The following ELN variants were observed in gnomAD, a reference collection of about 807,000 sequenced individuals.
ELN encodes the protein tropoelastin.
In ELN, 65 loss-of-function variants were observed where a neutral mutation model predicts 105.8. The observed-to-expected ratio is 0.61, with a 90% CI of 0.50 to 0.75. The LOEUF is 0.75. ELN is among the 30% of genes least tolerant of loss of function. The pLI is 0.00. For synonymous variants in ELN, 368 were observed against 389.2 expected (o/e 0.95, Z 0.64); for missense variants, 882 against 969.4 (o/e 0.91, Z 1.20).
chr7:74,065,517 G>A (rs1797742843), intron 29 of ELN, among the ~76,000 whole-genome samples, 177 bp from the exon 30 acceptor site: 1 of 151,984 alleles, frequency 6.6e-6, no homozygotes, highest in South Asian at 2.1e-4. Flanking sequence ...AGGAGGCTGA[G>A]GCAGGAGAAC....
At chr7:74,055,778 G>C (rs1795094288) in intron 19 of ELN, among the ~76,000 whole-genome samples, 2 of 147,588 alleles carry the variant, frequency 1.4e-5, no homozygotes, top group South Asian at 2.1e-4. Flanking sequence ...ACTGCACCCG[G>C]CCAAAAAAAA....
chr7:74,050,595 A>T (rs528815499), intron 15 of ELN, among the ~76,000 whole-genome samples: 1 of 151,298 alleles, frequency 6.6e-6, no homozygotes, highest in Non-Finnish European at 1.5e-5. Context: ...CCATCCATCC[A>T]TTCACCCATG....
chr7:74,028,272 A>T lies in ELN; in HGVS notation c.82+3A>T, dbSNP rs782252362. On this transcript the variant is annotated splice_donor_region_variant and intron_variant, in intron 1 of 32. Transcript: ENST00000252034. ...CCTCCACCCCTCTCGGCCTGGAGGT[A>T]AGGACCCCTCGCCCCTGTCCCCAGC... 6.8e-6 allele frequency: 11 copies of T among 1,605,990 alleles called. No homozygotes were observed. The highest frequency in any genetic ancestry group is 9.3e-6 in the Non-Finnish European group (11 of 1,178,804).
intron 21 of ELN, chr7:74,057,381 G>A (rs1554680818): frequency 1.3e-6 from 2 of 1,498,664 alleles, no homozygotes; most frequent in East Asian, 2.3e-5. Context: ...CACTCCCCGA[G>A]GTGCTGCAGG....
chr7:74,041,224 G>C lies in ELN; in HGVS notation c.205G>C (p.Gly69Arg). The change falls in exon 5 of 33, where the codon GGG (glycine) becomes CGG (arginine). Residue 69 changes from glycine (G) to arginine (R), a missense_variant. Transcript: ENST00000252034. ...CTGTTTCTTATCCACAGTTCCCGGA[G>C]GGCTTGCGGGTGCTGGCCTTGGGGC... ...GGKPLKPVPG[G>R]LAGAGLGAGL... 6.2e-7 allele frequency: 1 copy of C among 1,614,032 alleles called. No individual in the cohort carries two copies. Among genetic ancestry groups the C allele is most frequent in the Non-Finnish European group, 8.5e-7 (1 of 1,179,928 alleles).
At chr7:74,041,331 T>C in intron 5 of ELN, 80 bp downstream of exon 5, 1 of 1,580,732 alleles carries the variant, frequency 6.3e-7, no homozygotes, top group Non-Finnish European at 8.7e-7. Flanking sequence ...TGCAGCACGG[T>C]CATGGAACAA....
chr7:74,034,138 C>A (rs1379669671), intron 1 of ELN, among the ~76,000 whole-genome samples: 2 of 152,204 alleles, frequency 1.3e-5, no homozygotes, highest in Non-Finnish European at 2.9e-5. Context: ...CCGTGTCAGA[C>A]GGCCAGAGCC....
intron 19 of ELN, among the ~76,000 whole-genome samples, chr7:74,055,877 T>C (rs1173186482): frequency 2.0e-5 from 3 of 151,926 alleles, no homozygotes; most frequent in African/African-American, 7.3e-5. Flanking sequence ...AGCTCCACCT[T>C]CTGGGTTCAA....
chr7:74,064,392 G>A (rs1365068214), intron 29 of ELN, among the ~76,000 whole-genome samples: 25 of 149,120 alleles, frequency 1.7e-4, no homozygotes, highest in Admixed American at 1.7e-3. Flanking sequence ...TCCAGCCTGG[G>A]CGACAGAGCG....
At chr7:74,045,424 T>C in intron 10 of ELN, 131 bp downstream of exon 10, 1 of 1,011,666 alleles carries the variant, frequency 9.9e-7, no homozygotes, top group South Asian at 1.4e-5. Context: ...GTTCCAGCCC[T>C]GGGCAGCCTG....
intron 25 of ELN, 189 bp downstream of exon 25, chr7:74,060,690 C>T (rs1008199586): frequency 1.0e-5 from 15 of 1,474,122 alleles, no homozygotes; most frequent in Non-Finnish European, 1.3e-5. Context: ...GGACCCCAGG[C>T]TGCCCAATTG....
At chr7:74,047,415 G>T (rs1792829497) in intron 12 of ELN, among the ~76,000 whole-genome samples, 1 of 152,198 alleles carries the variant, frequency 6.6e-6, no homozygotes, top group South Asian at 2.1e-4. Flanking sequence ...CACTGAGGAG[G>T]GGGTGTAAGG....
Position 74,051,960 on chromosome 7 carries a change from C to T in ELN, c.926C>T (p.Ala309Val). Residue 309 changes from alanine to valine, a missense_variant, in exon 17 of 33, where the codon GCA becomes GTA. Coordinates refer to ENST00000252034, the MANE Select transcript of ELN (RefSeq NM_000501.4). ...GTPAAAAAAAAAAKAAKYGAA... is the reference protein window; with the variant it reads ...GTPAAAAAAAVAAKAAKYGAA... ...CCAGCTGCAGCTGCAGCTGCAGCAG[C>T]AGCCGCTAAGGCAGCCAAGTATGGT... 2 of 1,613,690 alleles carry T rather than the reference C, an allele frequency of 1.2e-6. No individual in the cohort carries two copies. The highest frequency in any genetic ancestry group is 8.5e-7 in the Non-Finnish European group (1 of 1,180,040).
Position 74,068,829 on chromosome 7 carries a change from G to A in ELN, c.*129G>A. The A allele has an allele frequency of 8.1e-7, 1 of 1,231,452 alleles. No homozygotes were observed. The highest frequency in any genetic ancestry group is 1.2e-5 in the South Asian group (1 of 80,632). 76.3% of individuals were successfully genotyped at this position (1,231,452 alleles called of 1,614,324 possible). A position where few individuals can be genotyped will look rare whatever the true frequency, so the allele number is the denominator to read the frequency against. The stretch of plus-strand genomic sequence containing the variant: ...ACCCCAGGAGGGAACGGGCAGGCCG[G>A]GCGGCCTTGCAGATCCACAGGGCAA... On this transcript the variant is annotated 3_prime_UTR_variant, in exon 33 of 33. Coordinates refer to ENST00000252034, the MANE Select transcript of ELN (RefSeq NM_000501.4).
At chr7:74,041,108 C>A in intron 4 of ELN, 108 bp from the exon 5 acceptor site, 1 of 1,453,038 alleles carries the variant, frequency 6.9e-7, no homozygotes, top group South Asian at 1.1e-5. Context: ...AGGGACCAGC[C>A]TAGGGACCTG....
rs1789490237 is a variant in ELN, at chr7:74,034,595, C to T, written c.83-769C>T. On this transcript the variant is annotated intron_variant, in intron 1 of 32. Coordinates refer to ENST00000252034, the MANE Select transcript of ELN (RefSeq NM_000501.4). ...AGGTGCACGCCTGTAGTCCCAGCTA[C>T]TTGGGAGACTGAGGCAGGAGAATCG... Among the ~76,000 whole-genome samples, 7 of 152,190 alleles carry T rather than the reference C, an allele frequency of 4.6e-5. 1 individual carries two copies. The South Asian group carries it at 1.4e-3, about 32-fold the overall frequency.
Position 74,068,964 on chromosome 7 carries a change from C to A in ELN, c.*264C>A, listed in dbSNP as rs1309771565. 9.2e-6 allele frequency: 5 copies of A among 545,040 alleles called. No homozygotes were observed. The highest frequency in any genetic ancestry group is 1.7e-5 in the Non-Finnish European group (5 of 300,748). 33.8% of individuals were successfully genotyped at this position (545,040 alleles called of 1,614,324 possible). ...CCCATCCCTTCCCACCTAGGAGCTC[C>A]CCCTCCACACAGCCTCCATCTCCAG... On this transcript the variant is annotated 3_prime_UTR_variant, in exon 33 of 33. Coordinates refer to ENST00000252034, the MANE Select transcript of ELN (RefSeq NM_000501.4).
chr7:74,040,910 C>G (rs1281226797), intron 4 of ELN, among the ~76,000 whole-genome samples: 1 of 152,184 alleles, frequency 6.6e-6, no homozygotes, highest in Non-Finnish European at 1.5e-5. Context: ...ACGGACTCTG[C>G]TCTGTCCCAG....
intron 1 of ELN, among the ~76,000 whole-genome samples, chr7:74,031,049 G>A (rs1788544422): frequency 6.6e-6 from 1 of 152,230 alleles, no homozygotes. Flanking sequence ...TGCTCCCCAA[G>A]CCAGCCCCCT....
Sources: allele counts gnomAD v4.1 joint callset (sites outside exome capture counted in the v4.1 genomes callset), GRCh38; gene constraint gnomAD v4.1.1; transcripts MANE v1.5; gene names NCBI Gene and HGNC (gene_info 2026-07-23, HGNC 2026-07-21).